The following PPP2R3A variants were observed in gnomAD, a reference collection of about 807,000 sequenced individuals.
The protein encoded by PPP2R3A is protein phosphatase 2 regulatory subunit B''alpha, also known as serine/threonine-protein phosphatase 2A regulatory subunit B'' subunit alpha.
A neutral mutation model predicts 106.9 loss-of-function variants in PPP2R3A; 80 were observed. The observed-to-expected ratio is 0.75, with a 90% CI of 0.62 to 0.90. The LOEUF (loss-of-function observed/expected upper bound fraction) is 0.90, where lower values mean the gene tolerates loss of function less well. Among genes scored for constraint, PPP2R3A ranks in the 40% least tolerant of loss-of-function variants. PPP2R3A has a pLI of 0.00. For missense variants in PPP2R3A, 1,386 were observed against 1,350.4 expected (o/e 1.03, Z -0.41); for synonymous variants, 483 against 468.3 (o/e 1.03, Z -0.41).
chr3:136,144,910 G>A lies in PPP2R3A; in HGVS notation c.3330-133G>A, dbSNP rs929238822. ...GTGTTGCCTCCTTCACGGCAGTTGA[G>A]TTGCTCACGGCCTCCATTTAGCAAT... On this transcript the variant is annotated intron_variant, in intron 13 of 13. Transcript: ENST00000264977. 8 of 900,704 alleles carry A rather than the reference G, an allele frequency of 8.9e-6. No individual in the cohort carries two copies. In the African/African-American group the frequency reaches 1.4e-4, roughly 15 times the overall value. The allele number at this position is 900,704 out of a possible 1,614,324, so 55.8% of individuals were successfully genotyped here. A position where few individuals can be genotyped will look rare whatever the true frequency, so the allele number is the denominator to read the frequency against.
intron 5 of PPP2R3A, chr3:136,055,356 T>C: frequency 1.1e-6 from 1 of 951,826 alleles, no homozygotes; most frequent in Non-Finnish European, 1.7e-6. Flanking sequence ...AAGAGTTTAG[T>C]TGCTACCTCA....
At position 136,121,075 on chromosome 3, in the gene PPP2R3A, T is replaced by C. The variant is rs144884552; in HGVS notation, c.3329+14753T>C. Among the ~76,000 whole-genome samples the C allele has an allele frequency of 2.5e-3, 385 of 152,296 alleles. 1 individual carries two copies. The highest frequency in any genetic ancestry group is 8.6e-3 in the African/African-American group (359 of 41,558). On this transcript the variant is annotated intron_variant, in intron 13 of 13. Transcript: ENST00000264977. The stretch of plus-strand genomic sequence containing the variant: ...ACTACATTCAACCCAGCAATCCCAC[T>C]GCTGGGTATATATACCCAAAGGAAA...
At chr3:136,126,265 C>G (rs1036816621) in intron 13 of PPP2R3A, among the ~76,000 whole-genome samples, 1 of 152,244 alleles carries the variant, frequency 6.6e-6, no homozygotes, top group African/African-American at 2.4e-5. Context: ...ACACTCACAC[C>G]TAAATACTGC....
At chr3:136,078,589 G>A (rs1936672320) in intron 7 of PPP2R3A, 136 bp downstream of exon 7, 1 of 633,202 alleles carries the variant, frequency 1.6e-6, no homozygotes, top group Non-Finnish European at 2.8e-6. Flanking sequence ...TCAAATACCT[G>A]TCGTGGGATG....
At chr3:136,139,698 A>C (rs971660016) in intron 13 of PPP2R3A, among the ~76,000 whole-genome samples, 12 of 150,902 alleles carry the variant, frequency 8.0e-5, no homozygotes, top group African/African-American at 2.7e-4. Flanking sequence ...TCTCAAAAAA[A>C]AAAAAAAAAA....
chr3:136,028,836 TTTGTTG>T (rs546531705), intron 3 of PPP2R3A, among the ~76,000 whole-genome samples: 1 of 152,002 alleles, frequency 6.6e-6, no homozygotes, highest in Non-Finnish European at 1.5e-5. Flanking sequence ...GTTGTTGTTT[TTTGTTG>T]TTGTTGTTTT....
chr3:136,079,603 T>C (rs1936716831), intron 7 of PPP2R3A, among the ~76,000 whole-genome samples: 1 of 151,918 alleles, frequency 6.6e-6, no homozygotes, highest in African/African-American at 2.4e-5. Context: ...GAAATGGGAT[T>C]TCACTGTGTT....
intron 5 of PPP2R3A, chr3:136,055,796 T>A (rs1159744567): frequency 3.5e-6 from 2 of 564,102 alleles, no homozygotes; most frequent in African/African-American, 1.9e-5. Context: ...CATACTGATA[T>A]AAATAAATGA....
chr3:136,019,880 A>G (rs1290298543), intron 2 of PPP2R3A, among the ~76,000 whole-genome samples: 1 of 152,168 alleles, frequency 6.6e-6, no homozygotes, highest in East Asian at 1.9e-4. Context: ...TTTCTTGCTT[A>G]AGGGTATAAC....
intron 13 of PPP2R3A, among the ~76,000 whole-genome samples, chr3:136,115,600 C>T (rs138520928): frequency 9.2e-5 from 14 of 151,660 alleles, no homozygotes; most frequent in African/African-American, 3.4e-4. Flanking sequence ...CCTCGTGAAG[C>T]ATATACAACT....
At chr3:136,063,063 C>T (rs566018311) in intron 5 of PPP2R3A, among the ~76,000 whole-genome samples, 35 of 152,204 alleles carry the variant, frequency 2.3e-4, no homozygotes, top group Admixed American at 7.9e-4. Flanking sequence ...GTGCTGGTAC[C>T]AAAACAGAGA....
At chr3:135,979,098 G>T (rs1937500685) in intron 1 of PPP2R3A, among the ~76,000 whole-genome samples, 1 of 151,602 alleles carries the variant, frequency 6.6e-6, no homozygotes, top group African/African-American at 2.4e-5. Flanking sequence ...TATTTATTTG[G>T]CCAGGCGTGG....
At chr3:136,092,346 A>G (rs1194084310) in intron 10 of PPP2R3A, among the ~76,000 whole-genome samples, 1 of 152,178 alleles carries the variant, frequency 6.6e-6, no homozygotes, top group African/African-American at 2.4e-5. Flanking sequence ...AAATATATAT[A>G]TTAAAGATCT....
At chr3:136,071,173 C>T (rs910004431) in intron 6 of PPP2R3A, among the ~76,000 whole-genome samples, 2 of 152,186 alleles carry the variant, frequency 1.3e-5, no homozygotes, top group South Asian at 2.1e-4. Flanking sequence ...GACATTCCAC[C>T]GACCAGCCCC....
intron 7 of PPP2R3A, among the ~76,000 whole-genome samples, chr3:136,081,284 C>T (rs1357438046): frequency 1.3e-5 from 2 of 152,214 alleles, no homozygotes; most frequent in Non-Finnish European, 2.9e-5. Flanking sequence ...AGCAACCACA[C>T]CCAGCCCGCT....
Position 136,031,149 on chromosome 3 carries a change from G to T in PPP2R3A, c.2262+4051G>T, listed in dbSNP as rs1286678942. On this transcript the variant is annotated intron_variant, in intron 3 of 13. Transcript: ENST00000264977. ...AACATCTACTGTTTTATTTTGTTTT[G>T]TTTTTTCAGGGGTAAGGTGGTATCA... 2.0e-5 allele frequency among the ~76,000 whole-genome samples: 3 copies of T among 151,974 alleles called. No homozygotes were observed. In the Middle Eastern group the frequency reaches 0.01, roughly 517 times the overall value.
chr3:136,113,233 G>A (rs1937623653), intron 13 of PPP2R3A, among the ~76,000 whole-genome samples: 4 of 152,108 alleles, frequency 2.6e-5, no homozygotes, highest in African/African-American at 9.7e-5. Flanking sequence ...CAAGGCTGCA[G>A]TAACCAAAAC....
chr3:136,064,162 A>G (rs1271404902), intron 5 of PPP2R3A, among the ~76,000 whole-genome samples: 3 of 151,310 alleles, frequency 2.0e-5, no homozygotes, highest in Admixed American at 6.6e-5. Context: ...CAAACTATCA[A>G]AAGGACAAAA....
intron 8 of PPP2R3A, among the ~76,000 whole-genome samples, chr3:136,086,644 C>T (rs1410755026): frequency 3.3e-5 from 5 of 152,044 alleles, no homozygotes; most frequent in African/African-American, 9.7e-5. Context: ...CTATATAGCC[C>T]TCTTTTTTTC....
Sources: gnomAD v4.1 joint callset for allele counts (sites outside exome capture counted in the v4.1 genomes callset) on GRCh38, gnomAD v4.1.1 for gene constraint, MANE v1.5 for transcripts, NCBI Gene and HGNC (gene_info 2026-07-23, HGNC 2026-07-21) for gene names.